The following DOCK4 variants were observed in gnomAD, a reference collection of about 807,000 sequenced individuals.
DOCK4 encodes the protein dedicator of cytokinesis protein 4.
In DOCK4, 97 loss-of-function variants were observed where a neutral mutation model predicts 268.1. That is an observed-to-expected ratio of 0.36 (90% CI 0.31 to 0.43). The LOEUF (loss-of-function observed/expected upper bound fraction) is 0.43. DOCK4 is among the 20% of genes least tolerant of loss of function. DOCK4 has a pLI of 1.00. For missense variants in DOCK4, 2,145 were observed against 2,455.7 expected (o/e 0.87, Z 2.67); for synonymous variants, 954 against 887.2 (o/e 1.08, Z -1.34).
chr7:111,933,257 CTT>C (rs1491253482), intron 12 of DOCK4, among the ~76,000 whole-genome samples: 18 of 122,736 alleles, frequency 1.5e-4, no homozygotes, highest in African/African-American at 5.4e-4. Context: ...TACATATATA[CTT>C]ATATATATAT....
chr7:112,132,765 T>C (rs1475110532), intron 1 of DOCK4, among the ~76,000 whole-genome samples: 1 of 152,182 alleles, frequency 6.6e-6, no homozygotes, highest in East Asian at 1.9e-4. Context: ...TATTAAAGGA[T>C]GGGCAGAATA....
At chr7:112,112,906 T>C (rs1021149958) in intron 1 of DOCK4, among the ~76,000 whole-genome samples, 2 of 152,204 alleles carry the variant, frequency 1.3e-5, no homozygotes, top group African/African-American at 4.8e-5. Context: ...TCAATTCTTG[T>C]ATCCCTGACC....
chr7:112,185,347 C>A (rs1408041018), intron 1 of DOCK4, among the ~76,000 whole-genome samples: 1 of 152,168 alleles, frequency 6.6e-6, no homozygotes, highest in African/African-American at 2.4e-5. Flanking sequence ...AAACTAAGTT[C>A]TTCAAACAAA....
chr7:111,936,848 G>A (rs946685889), intron 11 of DOCK4, among the ~76,000 whole-genome samples: 5 of 152,106 alleles, frequency 3.3e-5, no homozygotes, highest in African/African-American at 1.2e-4. Flanking sequence ...TTTGCAGGAT[G>A]AACATGATGG....
At chr7:112,162,336 C>G (rs768595721) in intron 1 of DOCK4, among the ~76,000 whole-genome samples, 7 of 152,050 alleles carry the variant, frequency 4.6e-5, no homozygotes, top group Non-Finnish European at 1.0e-4. Context: ...CTTGGTACCC[C>G]AGCCCCCTTG....
At chr7:111,851,045 A>G (rs1047617550) in intron 23 of DOCK4, among the ~76,000 whole-genome samples, 2 of 152,220 alleles carry the variant, frequency 1.3e-5, no homozygotes, top group African/African-American at 4.8e-5. Context: ...TTGGATACAC[A>G]TATGTTAAAA....
intron 23 of DOCK4, 112 bp from the exon 24 acceptor site, chr7:111,847,238 T>C (rs754479047): frequency 7.9e-5 from 105 of 1,326,546 alleles, no homozygotes; most frequent in Non-Finnish European, 1.7e-5. Flanking sequence ...TTAACACATG[T>C]AGTTACAAAG....
chr7:112,128,213 A>G (rs1415411051), intron 1 of DOCK4, among the ~76,000 whole-genome samples: 1 of 152,194 alleles, frequency 6.6e-6, no homozygotes, highest in Non-Finnish European at 1.5e-5. Flanking sequence ...TGACCTTCTC[A>G]GTGTTAAATT....
chr7:111,831,163 C>T (rs2134010278), intron 26 of DOCK4, among the ~76,000 whole-genome samples: 1 of 152,230 alleles, frequency 6.6e-6, no homozygotes, highest in South Asian at 2.1e-4. Flanking sequence ...CAGGCTGAAA[C>T]CGAATTTACC....
intron 15 of DOCK4, 42 bp downstream of exon 15, chr7:111,900,332 C>G: frequency 6.3e-7 from 1 of 1,598,642 alleles, no homozygotes; most frequent in Non-Finnish European, 8.5e-7. Context: ...CAGGATACTC[C>G]AGCACAATAG....
chr7:111,970,801 C>G (rs1797651080), intron 8 of DOCK4, among the ~76,000 whole-genome samples: 1 of 152,142 alleles, frequency 6.6e-6, no homozygotes, highest in Non-Finnish European at 1.5e-5. Context: ...GGAAAAGAGG[C>G]CTGGAGTAGG....
intron 13 of DOCK4, among the ~76,000 whole-genome samples, chr7:111,909,105 G>C (rs1791869971): frequency 1.3e-5 from 2 of 152,096 alleles, no homozygotes; most frequent in Non-Finnish European, 2.9e-5. Flanking sequence ...CTTCCACAAT[G>C]GTTGAACTAT....
intron 24 of DOCK4, among the ~76,000 whole-genome samples, chr7:111,846,636 C>G (rs1200934351): frequency 6.6e-6 from 1 of 151,960 alleles, no homozygotes; most frequent in Non-Finnish European, 1.5e-5. Flanking sequence ...CATGAAGTAG[C>G]CTTTCACAGA....
rs576199505 is a variant in DOCK4 at position 112,196,510 on chromosome 7, C to T, written c.37+9592G>A. ...CCCACCTACCCACCTTCCTGTCCTG[C>T]TCGTTTCTGAGAGTGGTCATCTCTC... On this transcript the variant is annotated intron_variant, in intron 1 of 52. Transcript: ENST00000428084. Among the ~76,000 whole-genome samples the T allele has an allele frequency of 2.8e-4, 43 of 152,290 alleles. 2 individuals carry two copies. The South Asian group carries it at 6.4e-3, about 23-fold the overall frequency.
chr7:112,109,009 T>G (rs1811389031), intron 1 of DOCK4, among the ~76,000 whole-genome samples: 1 of 152,040 alleles, frequency 6.6e-6, no homozygotes, highest in Non-Finnish European at 1.5e-5. Context: ...GGAGAAAAAT[T>G]TCCCCTATCC....
chr7:112,052,749 T>A (rs1384065324), intron 1 of DOCK4, among the ~76,000 whole-genome samples: 1 of 151,936 alleles, frequency 6.6e-6, no homozygotes, highest in Non-Finnish European at 1.5e-5. Flanking sequence ...CCTCCCACCA[T>A]CCCCCTTTGA....
chr7:111,973,921 G>T (rs1017353091), intron 8 of DOCK4, among the ~76,000 whole-genome samples: 3 of 152,100 alleles, frequency 2.0e-5, no homozygotes, highest in African/African-American at 4.8e-5. Flanking sequence ...TCACAAATAA[G>T]AAGAAATATA....
In DOCK4 at chr7:111,818,368, A is replaced by G. The variant is rs117128287; in HGVS notation, c.2930+3994T>C. Among the ~76,000 whole-genome samples, 215 of 152,272 alleles carry G rather than the reference A, an allele frequency of 1.4e-3. 8 individuals carry two copies. The East Asian group carries it at 0.033, about 23-fold the overall frequency. The stretch of plus-strand genomic sequence containing the variant: ...CTAGTACACCTCAAACTTATGTTCA[A>G]CATGGAATTCTTCACTTCTCTCATC... On this transcript the variant is annotated intron_variant, in intron 27 of 52. Coordinates refer to ENST00000428084, the MANE Select transcript of DOCK4 (RefSeq NM_001363540.2).
chr7:111,739,531 A>G, intron 47 of DOCK4, 54 bp from the exon 48 acceptor site: 2 of 1,415,476 alleles, frequency 1.4e-6, no homozygotes, highest in South Asian at 2.5e-5. Flanking sequence ...TTCCCACGAC[A>G]CTGACGTATT....
Sources: gnomAD v4.1 joint callset for allele counts (sites outside exome capture counted in the v4.1 genomes callset) on GRCh38, gnomAD v4.1.1 for gene constraint, MANE v1.5 for transcripts, NCBI Gene and HGNC (gene_info 2026-07-23, HGNC 2026-07-21) for gene names.